EXT1: variants seen among roughly 807,000 people sequenced by gnomAD.
EXT1 encodes the protein exostosin-1.
Under a neutral mutation model 82.5 loss-of-function variants are expected in EXT1, and 20 were observed. That is an observed-to-expected ratio of 0.24 (90% CI 0.17 to 0.35). The LOEUF is 0.35. Ranked by LOEUF, EXT1 falls within the 10% of genes least tolerant of loss-of-function variation. The pLI, the probability that EXT1 is intolerant of heterozygous loss-of-function variation, is 1.00. For missense variants in EXT1, 757 were observed against 936.5 expected (o/e 0.81, Z 2.50); for synonymous variants, 348 against 350.8 (o/e 0.99, Z 0.09).
chr8:117,829,682 T>C (rs950618782), intron 4 of EXT1, among the ~76,000 whole-genome samples: 4 of 147,552 alleles, frequency 2.7e-5, no homozygotes, highest in Non-Finnish European at 6.0e-5. Flanking sequence ...CAAGATATTC[T>C]CCTGCCTCAG....
intron 1 of EXT1, among the ~76,000 whole-genome samples, chr8:117,850,284 A>G (rs1812431439): frequency 6.6e-6 from 1 of 152,244 alleles, no homozygotes; most frequent in African/African-American, 2.4e-5. Flanking sequence ...GCTGTGTGTC[A>G]GATAGATAGC....
intron 1 of EXT1, among the ~76,000 whole-genome samples, chr8:118,000,993 C>A (rs1313296086): frequency 2.0e-5 from 3 of 152,162 alleles, no homozygotes; most frequent in Non-Finnish European, 4.4e-5. Context: ...TATACGCTTT[C>A]TTCATTCGAT....
At chr8:118,105,916 T>C (rs777542265) in intron 1 of EXT1, among the ~76,000 whole-genome samples, 1 of 152,230 alleles carries the variant, frequency 6.6e-6, no homozygotes, top group Non-Finnish European at 1.5e-5. Context: ...ATTTTCTTTT[T>C]GCTGTAAGTG....
chr8:117,899,126 C>T (rs17452966), intron 1 of EXT1, among the ~76,000 whole-genome samples: 38,387 of 152,110 alleles, frequency 0.25, 5,668 homozygotes, highest in East Asian at 0.37. Context: ...CACACATTTA[C>T]GCTAGAGAGA....
At chr8:117,997,411 TCTA>T (rs1167748923) in intron 1 of EXT1, among the ~76,000 whole-genome samples, 1 of 151,700 alleles carries the variant, frequency 6.6e-6, no homozygotes, top group Non-Finnish European at 1.5e-5. Flanking sequence ...TATTTAGAGT[TCTA>T]CTCCTACCTA....
chr8:118,020,826 C>T (rs1452373234), intron 1 of EXT1, among the ~76,000 whole-genome samples: 1 of 152,320 alleles, frequency 6.6e-6, no homozygotes, highest in South Asian at 2.1e-4. Context: ...AAAACCAAGA[C>T]AGTAATACCC....
At chr8:118,002,907 C>T (rs910504273) in intron 1 of EXT1, among the ~76,000 whole-genome samples, 3 of 152,068 alleles carry the variant, frequency 2.0e-5, no homozygotes, top group Non-Finnish European at 2.9e-5. Context: ...GAAAAGAAGT[C>T]GTATGAAAAA....
At chr8:117,845,440 A>C (rs561060156) in intron 1 of EXT1, among the ~76,000 whole-genome samples, 4 of 152,300 alleles carry the variant, frequency 2.6e-5, no homozygotes, top group African/African-American at 9.6e-5. Flanking sequence ...CTACCTGTGT[A>C]TATTAATGAA....
At chr8:117,903,153 G>A (rs1228962678) in intron 1 of EXT1, among the ~76,000 whole-genome samples, 1 of 152,216 alleles carries the variant, frequency 6.6e-6, no homozygotes, top group Non-Finnish European at 1.5e-5. Context: ...CATGCATCTG[G>A]TCTTTCTGGT....
chr8:118,047,419 T>A (rs1816639806), intron 1 of EXT1, among the ~76,000 whole-genome samples: 1 of 152,134 alleles, frequency 6.6e-6, no homozygotes, highest in Non-Finnish European at 1.5e-5. Context: ...TAAATAAGGA[T>A]ACATCAAAGT....
At chr8:118,031,843 T>A (rs1816325162) in intron 1 of EXT1, among the ~76,000 whole-genome samples, 1 of 152,130 alleles carries the variant, frequency 6.6e-6, no homozygotes, top group African/African-American at 2.4e-5. Flanking sequence ...AGATAACTGT[T>A]AAATTTTCAG....
chr8:117,829,284 T>C (rs1033351138), intron 4 of EXT1, among the ~76,000 whole-genome samples: 1 of 152,174 alleles, frequency 6.6e-6, no homozygotes, highest in African/African-American at 2.4e-5. Flanking sequence ...ATGCTTCCTT[T>C]TTCTTTTTCC....
Position 117,824,588 on chromosome 8 carries a change from C to T in EXT1, c.1285-1991G>A, listed in dbSNP as rs368252910. ...ACGTCTCAGAATTTAAGAATAGCTG[C>T]CTAAGTTGTTATACTTAAGGCTTGA... On this transcript the variant is annotated intron_variant, in intron 4 of 10. Transcript: ENST00000378204. Among the ~76,000 whole-genome samples, 3 of 152,242 alleles carry T rather than the reference C, an allele frequency of 2.0e-5. No individual in the cohort carries two copies. The East Asian group carries it at 5.8e-4, about 29-fold the overall frequency.
intron 1 of EXT1, among the ~76,000 whole-genome samples, chr8:117,876,188 T>C (rs1812967066): frequency 6.6e-6 from 1 of 152,188 alleles, no homozygotes; most frequent in South Asian, 2.1e-4. Flanking sequence ...ACTCAGAGTG[T>C]ATCGGGGTAT....
At chr8:117,925,112 G>A (rs574168751) in intron 1 of EXT1, among the ~76,000 whole-genome samples, 5 of 152,214 alleles carry the variant, frequency 3.3e-5, no homozygotes, top group East Asian at 1.9e-4. Context: ...TCCCAATCCC[G>A]CAGATTCTAA....
At chr8:118,012,294 G>A (rs1172772972) in intron 1 of EXT1, among the ~76,000 whole-genome samples, 2 of 152,212 alleles carry the variant, frequency 1.3e-5, no homozygotes, top group Admixed American at 1.3e-4. Flanking sequence ...GACCACACAG[G>A]ACAGAGTTTC....
chr8:117,892,583 AGAG>A, intron 1 of EXT1, among the ~76,000 whole-genome samples: 1 of 152,230 alleles, frequency 6.6e-6, no homozygotes, highest in East Asian at 1.9e-4. Flanking sequence ...GATTTTGAGC[AGAG>A]GAGAGATATG....
intron 1 of EXT1, among the ~76,000 whole-genome samples, chr8:117,975,767 G>T (rs2219724): frequency 0.75 from 114,005 of 152,176 alleles, 44,100 homozygotes; most frequent in African/African-American, 0.94. Flanking sequence ...CAGTGCTTCA[G>T]AAATGCTTGT....
At chr8:118,047,716 G>A (rs1003365955) in intron 1 of EXT1, among the ~76,000 whole-genome samples, 3 of 152,024 alleles carry the variant, frequency 2.0e-5, no homozygotes, top group East Asian at 1.9e-4. Context: ...TACTTAATAC[G>A]AAAAAATATC....
Sources: allele counts gnomAD v4.1 joint callset (sites outside exome capture counted in the v4.1 genomes callset), GRCh38; gene constraint gnomAD v4.1.1; transcripts MANE v1.5; gene names NCBI Gene and HGNC (gene_info 2026-07-23, HGNC 2026-07-21).